The following RIT2 variants were observed in gnomAD, a reference collection of about 807,000 sequenced individuals.
RIT2 encodes the protein Ras like without CAAX 2.
A neutral mutation model predicts 23.7 loss-of-function variants in RIT2; 24 were observed. The observed-to-expected ratio is 1.01, with a 90% confidence interval of 0.73 to 1.43. The LOEUF (loss-of-function observed/expected upper bound fraction) is 1.43. RIT2 is among the 40% of genes most tolerant of loss of function. The probability of loss-of-function intolerance (pLI) is 0.00; values close to 1 mark genes in which losing one functional copy is unlikely to be tolerated. For missense variants in RIT2, 236 were observed against 266.9 expected, an observed-to-expected ratio of 0.88 and a Z score of 0.81; for synonymous variants, 107 against 91.1, an observed-to-expected ratio of 1.17 and a Z score of -0.99.
intron 1 of RIT2, among the ~76,000 whole-genome samples, chr18:43,047,642 G>T (rs1048032772): frequency 6.6e-6 from 1 of 151,920 alleles, no homozygotes; most frequent in Middle Eastern, 3.2e-3. Context: ...AACATATGAG[G>T]AGTCTACAAA....
chr18:42,954,387 A>G (rs1909924025), intron 3 of RIT2, among the ~76,000 whole-genome samples: 1 of 151,976 alleles, frequency 6.6e-6, no homozygotes, highest in Admixed American at 6.6e-5. Flanking sequence ...AAAAAAAAAA[A>G]AAAAAAACCT....
At chr18:42,938,745 C>T (rs569552233) in intron 3 of RIT2, among the ~76,000 whole-genome samples, 5 of 152,140 alleles carry the variant, frequency 3.3e-5, no homozygotes, top group African/African-American at 1.2e-4. Context: ...ACATAATACA[C>T]TACTTTTTTA....
At chr18:42,808,587 T>C (rs1905751895) in intron 4 of RIT2, among the ~76,000 whole-genome samples, 1 of 151,708 alleles carries the variant, frequency 6.6e-6, no homozygotes, top group Non-Finnish European at 1.5e-5. Flanking sequence ...GTTTTTTTTT[T>C]CATGATGAAT....
chr18:43,114,439 T>G (rs1484052137), intron 1 of RIT2, among the ~76,000 whole-genome samples: 1 of 152,126 alleles, frequency 6.6e-6, no homozygotes, highest in Non-Finnish European at 1.5e-5. Context: ...AATATTGTCT[T>G]CGTCTTTTAA....
chr18:42,857,626 T>C (rs1170344556), intron 4 of RIT2, among the ~76,000 whole-genome samples: 1 of 152,212 alleles, frequency 6.6e-6, no homozygotes, highest in Non-Finnish European at 1.5e-5. Flanking sequence ...ACACACATCA[T>C]AGCCAGCCCC....
chr18:42,957,474 A>G (rs1034395095), intron 3 of RIT2, among the ~76,000 whole-genome samples: 1 of 152,150 alleles, frequency 6.6e-6, no homozygotes, highest in Non-Finnish European at 1.5e-5. Flanking sequence ...TGCTTCTCAC[A>G]GTATTTTATC....
intron 1 of RIT2, among the ~76,000 whole-genome samples, chr18:43,059,335 A>G (rs925941137): frequency 1.3e-5 from 2 of 152,132 alleles, no homozygotes; most frequent in African/African-American, 2.4e-5. Context: ...ACATAAGGCT[A>G]TCATAAGGTA....
chr18:42,765,580 A>G (rs1054744917), intron 4 of RIT2, among the ~76,000 whole-genome samples: 4 of 152,320 alleles, frequency 2.6e-5, no homozygotes, highest in African/African-American at 9.6e-5. Flanking sequence ...GGACAAAAGC[A>G]AAACCCAAGC....
Position 43,113,739 on chromosome 18 carries a change from A to G in RIT2, c.103+1678T>C, listed in dbSNP as rs549169672. ...AAGTAGGCTAAAAATCAGTCACTCT[A>G]TCCCCACATCCCCCAAGCTCCTAAA... On this transcript the variant is annotated intron_variant, in intron 1 of 4. Coordinates refer to ENST00000326695, the MANE Select transcript of RIT2 (RefSeq NM_002930.4). Among the ~76,000 whole-genome samples, 9 of 152,300 alleles carry G rather than the reference A, an allele frequency of 5.9e-5. No homozygotes were observed. In the East Asian group the frequency reaches 1.2e-3, roughly 20 times the overall value.
intron 4 of RIT2, among the ~76,000 whole-genome samples, chr18:42,863,876 T>C (rs777527884): frequency 5.9e-5 from 9 of 152,116 alleles, no homozygotes; most frequent in Non-Finnish European, 7.4e-5. Context: ...TAAGTCTAAA[T>C]AAACTAGTGA....
chr18:43,057,060 T>TGGGGGGGGGGGGGG (rs1163618199), intron 1 of RIT2, among the ~76,000 whole-genome samples: 1 of 73,736 alleles, frequency 1.4e-5, no homozygotes, highest in Non-Finnish European at 2.6e-5. Context: ...GGGCGGGGGG[T>TGGGGGGGGGGGGGG]GGGGGGAAGT....
intron 1 of RIT2, among the ~76,000 whole-genome samples, chr18:43,068,196 A>C (rs1353862879): frequency 6.6e-6 from 1 of 152,198 alleles, no homozygotes; most frequent in East Asian, 1.9e-4. Context: ...AAAGTTCTTT[A>C]AATGAATTAT....
chr18:42,901,718 T>C (rs1414694171), intron 4 of RIT2, among the ~76,000 whole-genome samples: 2 of 152,016 alleles, frequency 1.3e-5, no homozygotes, highest in African/African-American at 4.8e-5. Flanking sequence ...AAAAGGTCAA[T>C]TTAAAGTGCA....
chr18:42,915,714 G>T (rs1197357184), intron 4 of RIT2, among the ~76,000 whole-genome samples: 1 of 151,786 alleles, frequency 6.6e-6, no homozygotes, highest in African/African-American at 2.4e-5. Flanking sequence ...CAACATAAAC[G>T]GTGAAATTTA....
At chr18:42,821,122 C>T (rs1029056961) in intron 4 of RIT2, among the ~76,000 whole-genome samples, 2 of 152,036 alleles carry the variant, frequency 1.3e-5, no homozygotes, top group African/African-American at 4.8e-5. Context: ...AAACTCTGAG[C>T]CAAAATAGGC....
intron 4 of RIT2, among the ~76,000 whole-genome samples, chr18:42,879,139 A>G (rs965399460): frequency 1.3e-5 from 2 of 152,098 alleles, no homozygotes; most frequent in Admixed American, 6.6e-5. Context: ...ACTGCTTCCA[A>G]TCTGAATGAT....
At chr18:42,824,040 C>G (rs774026333) in intron 4 of RIT2, among the ~76,000 whole-genome samples, 1 of 151,974 alleles carries the variant, frequency 6.6e-6, no homozygotes, top group East Asian at 1.9e-4. Flanking sequence ...CACTCATTTC[C>G]TTGTTTATTT....
chr18:42,995,172 T>C (rs528749499), intron 2 of RIT2, among the ~76,000 whole-genome samples: 1 of 152,272 alleles, frequency 6.6e-6, no homozygotes, highest in Admixed American at 6.5e-5. Flanking sequence ...GGCCCACCTC[T>C]TAAAACCTCT....
intron 2 of RIT2, among the ~76,000 whole-genome samples, chr18:43,013,693 G>A (rs919948408): frequency 6.6e-6 from 1 of 151,560 alleles, no homozygotes; most frequent in African/African-American, 2.4e-5. Flanking sequence ...GGCACTATCA[G>A]AGTAACTATC....
Sources: allele counts gnomAD v4.1 joint callset (sites outside exome capture counted in the v4.1 genomes callset), GRCh38; gene constraint gnomAD v4.1.1; transcripts MANE v1.5; gene names NCBI Gene and HGNC (gene_info 2026-07-23, HGNC 2026-07-21).